KSR2: variants seen among roughly 807,000 people sequenced by gnomAD.
KSR2 encodes the protein kinase suppressor of ras 2.
Under a neutral mutation model 107.8 loss-of-function variants are expected in KSR2, and 25 were observed. The observed-to-expected ratio is 0.23, with a 90% confidence interval of 0.17 to 0.32. The LOEUF (loss-of-function observed/expected upper bound fraction) is 0.32. KSR2 is among the 10% of genes least tolerant of loss of function. The probability of loss-of-function intolerance (pLI) is 1.00; values close to 1 mark genes in which losing one functional copy is unlikely to be tolerated. For synonymous variants in KSR2, 480 were observed against 507.0 expected, an observed-to-expected ratio of 0.95 and a Z score of 0.71; for missense variants, 887 against 1,268.9, an observed-to-expected ratio of 0.70 and a Z score of 4.57.
intron 4 of KSR2, among the ~76,000 whole-genome samples, chr12:117,705,672 G>T (rs1886494430): frequency 6.6e-6 from 1 of 152,194 alleles, no homozygotes; most frequent in Admixed American, 6.5e-5. Context: ...GTAGCTAAGT[G>T]CTCTGGGCCC....
intron 4 of KSR2, among the ~76,000 whole-genome samples, chr12:117,713,302 A>T (rs1886862181): frequency 1.3e-5 from 2 of 152,136 alleles, no homozygotes; most frequent in Non-Finnish European, 2.9e-5. Context: ...ATCATTATCC[A>T]TGTCTATAGA....
Position 117,738,690 on chromosome 12 carries a change from C to A in KSR2, c.986+22321G>T, listed in dbSNP as rs192803694. ...AGGAGTTCGAGACCAGCCTGGCCAACACAGTGAAACCCCATCTCTACTAAA... is the reference window on the plus strand; with the variant it reads ...AGGAGTTCGAGACCAGCCTGGCCAAAACAGTGAAACCCCATCTCTACTAAA... On this transcript the variant is annotated intron_variant, in intron 4 of 19. Transcript: ENST00000339824. Among the ~76,000 whole-genome samples the A allele has an allele frequency of 6.2e-4, 94 of 152,126 alleles. No individual in the cohort carries two copies. In the East Asian group the frequency reaches 0.012, roughly 20 times the overall value.
At chr12:117,770,315 A>C (rs983342256) in intron 3 of KSR2, among the ~76,000 whole-genome samples, 5 of 152,132 alleles carry the variant, frequency 3.3e-5, no homozygotes, top group African/African-American at 1.2e-4. Flanking sequence ...GTGAAGACAG[A>C]GGCAGGGGCT....
chr12:117,691,804 G>A (rs1055353865), intron 4 of KSR2, among the ~76,000 whole-genome samples: 8 of 152,232 alleles, frequency 5.3e-5, no homozygotes, highest in African/African-American at 1.9e-4. Flanking sequence ...CTAGGAAGAA[G>A]TGTTCATGTC....
intron 1 of KSR2, among the ~76,000 whole-genome samples, chr12:117,866,183 T>A (rs1371809572): frequency 6.6e-6 from 1 of 152,120 alleles, no homozygotes; most frequent in Non-Finnish European, 1.5e-5. Flanking sequence ...ACAACAGGTA[T>A]GTGCCACCAT....
chr12:117,641,513 T>C (rs7968512), intron 5 of KSR2, among the ~76,000 whole-genome samples: 41,709 of 152,020 alleles, frequency 0.27, 6,883 homozygotes, highest in African/African-American at 0.46. Flanking sequence ...GCCTTTGTTG[T>C]CACATGACCT....
At chr12:117,751,739 C>T (rs1220668530) in intron 4 of KSR2, among the ~76,000 whole-genome samples, 1 of 152,114 alleles carries the variant, frequency 6.6e-6, no homozygotes. Flanking sequence ...TACCAAACTG[C>T]CACTTGGAGG....
rs575521784 is a variant in KSR2, at chr12:117,555,114, C to T, written c.1518+55G>A. 49 of 1,611,022 alleles carry T rather than the reference C, an allele frequency of 3.0e-5. No homozygotes were observed. In the East Asian group the frequency reaches 6.9e-4, roughly 23 times the overall value. ...GATCAACCCTTCCTCCCTCCTACCC[C>T]TCACCCAGCAGTGCCAGCCCCACAT... On this transcript the variant is annotated intron_variant, in intron 9 of 19. Coordinates refer to ENST00000339824, the MANE Select transcript of KSR2 (RefSeq NM_173598.6).
rs182665476 is a variant in KSR2 at position 117,647,763 on chromosome 12, C to A, written c.1171+19711G>T. Among the ~76,000 whole-genome samples, 5 of 152,230 alleles carry A rather than the reference C, an allele frequency of 3.3e-5. No homozygotes were observed. In the East Asian group the frequency reaches 9.7e-4, roughly 29 times the overall value. On this transcript the variant is annotated intron_variant, in intron 5 of 19. Transcript: ENST00000339824. The stretch of plus-strand genomic sequence containing the variant: ...TTAGTGACAGAGTCTCACTCTGTCG[C>A]CCAGGCTGGAGTGCAGTGGCGTGAT...
At chr12:117,859,539 C>G (rs1437237203) in intron 2 of KSR2, among the ~76,000 whole-genome samples, 3 of 150,426 alleles carry the variant, frequency 2.0e-5, no homozygotes, top group Non-Finnish European at 3.0e-5. Context: ...TCACTGTAAC[C>G]TCAACCTCCT....
chr12:117,618,219 C>A (rs968408739), intron 5 of KSR2, among the ~76,000 whole-genome samples: 2 of 152,096 alleles, frequency 1.3e-5, no homozygotes, highest in African/African-American at 2.4e-5. Flanking sequence ...AGATTTGATA[C>A]TGGACTTCAT....
At position 117,884,564 on chromosome 12, in the gene KSR2, C is replaced by T. The variant is rs542252292; in HGVS notation, c.181-24133G>A. ...CAAGCTCCACATATTAAGTTTCCAC[C>T]AAAAGTTGATACTCAGAAGAGATGC... On this transcript the variant is annotated intron_variant, in intron 1 of 19. Coordinates refer to ENST00000339824, the MANE Select transcript of KSR2 (RefSeq NM_173598.6). 8.5e-5 allele frequency among the ~76,000 whole-genome samples: 13 copies of T among 152,268 alleles called. No individual in the cohort carries two copies. In the East Asian group the frequency reaches 2.1e-3, roughly 25 times the overall value.
In KSR2 at chr12:117,632,081, T is replaced by C. The variant is rs1408055161; in HGVS notation, c.1171+35393A>G. Among the ~76,000 whole-genome samples the C allele has an allele frequency of 3.3e-5, 5 of 152,304 alleles. No homozygotes were observed. The East Asian group carries it at 9.6e-4, about 29-fold the overall frequency. The stretch of plus-strand genomic sequence containing the variant: ...ATTTAATTTTGGCTAGAATTATTAA[T>C]AGGAGAGGCTAGTTGTCTATTAAGA... On this transcript the variant is annotated intron_variant, in intron 5 of 19. Coordinates refer to ENST00000339824, the MANE Select transcript of KSR2 (RefSeq NM_173598.6).
intron 4 of KSR2, among the ~76,000 whole-genome samples, chr12:117,675,317 G>A (rs2136513527): frequency 6.6e-6 from 1 of 152,250 alleles, no homozygotes; most frequent in East Asian, 1.9e-4. Context: ...CTCAAGCAAG[G>A]ACTATGTGAC....
At position 117,897,232 on chromosome 12, in the gene KSR2, T is replaced by G. The variant is rs1332071803; in HGVS notation, c.181-36801A>C. Among the ~76,000 whole-genome samples the G allele has an allele frequency of 6.6e-6, 1 of 152,156 alleles. No homozygotes were observed. The highest frequency in any genetic ancestry group is 1.5e-5 in the Non-Finnish European group (1 of 68,028). The stretch of plus-strand genomic sequence containing the variant: ...CAGGCCATATTATGCACATCAGAAA[T>G]GATCTGGAGGGGGCAAACATGCCAG... On this transcript the variant is annotated intron_variant, in intron 1 of 19. Coordinates refer to ENST00000339824, the MANE Select transcript of KSR2 (RefSeq NM_173598.6). This position sits in a 1 kb window ranked among gnomAD's most constrained non-coding sequence, Gnocchi z 4.5.
intron 3 of KSR2, among the ~76,000 whole-genome samples, chr12:117,791,836 T>C (rs1890262208): frequency 6.6e-6 from 1 of 152,206 alleles, no homozygotes; most frequent in African/African-American, 2.4e-5. Flanking sequence ...ATATCAACAT[T>C]TTAATTCACC....
chr12:117,687,053 AGAGCAACT>A (rs978246031), intron 4 of KSR2, among the ~76,000 whole-genome samples: 5 of 152,180 alleles, frequency 3.3e-5, no homozygotes, highest in African/African-American at 1.2e-4. Context: ...TGAGGGGCTT[AGAGCAACT>A]CATCCTTAAA....
At chr12:117,766,922 C>T (rs944027895) in intron 3 of KSR2, among the ~76,000 whole-genome samples, 1 of 151,730 alleles carries the variant, frequency 6.6e-6, no homozygotes, top group African/African-American at 2.4e-5. Flanking sequence ...CTTGCTCTGT[C>T]GCCCAAGTTG....
intron 3 of KSR2, among the ~76,000 whole-genome samples, chr12:117,813,548 A>G (rs996124395): frequency 2.0e-5 from 3 of 152,240 alleles, no homozygotes; most frequent in Admixed American, 1.3e-4. Flanking sequence ...GCTCAGCACC[A>G]CTAATCATCA....
Sources: gnomAD v4.1 joint callset for allele counts (sites outside exome capture counted in the v4.1 genomes callset) on GRCh38, gnomAD v4.1.1 for gene constraint, Gnocchi (gnomAD v3.1) non-coding constraint, MANE v1.5 for transcripts, NCBI Gene and HGNC (gene_info 2026-07-23, HGNC 2026-07-21) for gene names.